The following CCBE1 variants were observed in gnomAD, a reference collection of about 807,000 sequenced individuals.
CCBE1 encodes collagen and calcium-binding EGF domain-containing protein 1.
In CCBE1, 37 loss-of-function variants were observed where a neutral mutation model predicts 50.0. The ratio of observed to expected loss-of-function variants is 0.74; its 90% CI spans 0.57 to 0.97. The LOEUF (loss-of-function observed/expected upper bound fraction) is 0.97. Ranked by LOEUF, CCBE1 falls within the 50% of genes least tolerant of loss-of-function variation. The pLI, the probability that CCBE1 is intolerant of heterozygous loss-of-function variation, is 0.00. For missense variants in CCBE1, 538 were observed against 523.8 expected (o/e 1.03, Z -0.26); for synonymous variants, 234 against 203.7 (o/e 1.15, Z -1.27).
At chr18:59,638,154 T>C (rs979861861) in intron 2 of CCBE1, among the ~76,000 whole-genome samples, 1 of 152,214 alleles carries the variant, frequency 6.6e-6, no homozygotes, top group Non-Finnish European at 1.5e-5. Context: ...GCAGAGTTTG[T>C]TTAAAATCAT....
At chr18:59,671,810 G>A (rs1348000068) in intron 2 of CCBE1, among the ~76,000 whole-genome samples, 1 of 121,412 alleles carries the variant, frequency 8.2e-6, no homozygotes, top group African/African-American at 3.3e-5. Flanking sequence ...TGGTGGGAAG[G>A]TTAAAAAAAA....
intron 9 of CCBE1, among the ~76,000 whole-genome samples, chr18:59,438,697 G>C (rs912593579): frequency 4.7e-4 from 72 of 152,150 alleles, no homozygotes; most frequent in African/African-American, 1.7e-3. Context: ...CTTTGGGGTT[G>C]GTTTTGGAAT....
intron 2 of CCBE1, among the ~76,000 whole-genome samples, chr18:59,677,124 T>C (rs977272066): frequency 2.6e-5 from 4 of 152,084 alleles, no homozygotes; most frequent in Admixed American, 6.6e-5. Flanking sequence ...TGGGAATAGA[T>C]TGCAAGAAGT....
rs184202208 is a variant in CCBE1 at position 59,581,538 on chromosome 18, C to A, written c.213-101300G>T. ...GACCCTAGTTTGGAAATACCCAGAT[C>A]CACTGGGTAATAAAGCACATTCTCA... On this transcript the variant is annotated intron_variant, in intron 2 of 10. Coordinates refer to ENST00000439986, the MANE Select transcript of CCBE1 (RefSeq NM_133459.4). Among the ~76,000 whole-genome samples, 15 of 152,114 alleles carry A rather than the reference C, an allele frequency of 9.9e-5. No homozygotes were observed. In the East Asian group the frequency reaches 2.9e-3, roughly 29 times the overall value.
chr18:59,463,375 G>A (rs774783067), intron 5 of CCBE1, among the ~76,000 whole-genome samples: 10 of 152,246 alleles, frequency 6.6e-5, no homozygotes, highest in Middle Eastern at 3.4e-3. Context: ...CTCCAGGCAC[G>A]TGCCACCACA....
rs556326541 is a variant in CCBE1 at position 59,466,088 on chromosome 18, C to T, written c.553+651G>A. On this transcript the variant is annotated intron_variant, in intron 5 of 10. Transcript: ENST00000439986. Reference sequence around the variant, plus strand: ...GTCCTCTGAGGTACCTGATTGTGCTCTTAATATATAAAAATATATGTTATA... The same window carrying T: ...GTCCTCTGAGGTACCTGATTGTGCTTTTAATATATAAAAATATATGTTATA... 8.4e-4 allele frequency among the ~76,000 whole-genome samples: 128 copies of T among 152,046 alleles called. 4 individuals are homozygous for T. In the South Asian group the frequency reaches 0.026, roughly 31 times the overall value.
chr18:59,638,643 C>T (rs895184933), intron 2 of CCBE1, among the ~76,000 whole-genome samples: 6 of 152,166 alleles, frequency 3.9e-5, no homozygotes, highest in African/African-American at 1.4e-4. Context: ...ACAAACTCAC[C>T]TGTTGATATA....
intron 2 of CCBE1, among the ~76,000 whole-genome samples, chr18:59,655,037 A>C (rs2054170775): frequency 6.7e-6 from 1 of 149,902 alleles, no homozygotes; most frequent in African/African-American, 2.5e-5. Context: ...CAGTGAACCA[A>C]GATCGCACCA....
chr18:59,570,309 C>G (rs1053999177), intron 2 of CCBE1, among the ~76,000 whole-genome samples: 4 of 152,144 alleles, frequency 2.6e-5, no homozygotes, highest in Non-Finnish European at 5.9e-5. Context: ...TGAACCCACA[C>G]AAAAGAGACA....
At chr18:59,447,246 C>T (rs1037692700) in intron 7 of CCBE1, among the ~76,000 whole-genome samples, 2 of 152,006 alleles carry the variant, frequency 1.3e-5, no homozygotes, top group African/African-American at 2.4e-5. Flanking sequence ...TATAAAGATT[C>T]TAGTCATATG....
At chr18:59,608,370 T>C (rs1396583703) in intron 2 of CCBE1, among the ~76,000 whole-genome samples, 1 of 152,184 alleles carries the variant, frequency 6.6e-6, no homozygotes, top group African/African-American at 2.4e-5. Context: ...TTCCTAATCA[T>C]GTCAGAGATT....
chr18:59,697,430 C>T (rs1599148344), upstream of CCBE1: 5 of 1,491,408 alleles, frequency 3.4e-6, no homozygotes, highest in East Asian at 5.0e-5. Context: ...CTTCCCTCTT[C>T]CCGGCAGGGG....
At chr18:59,682,266 G>T (rs749377036) in intron 2 of CCBE1, among the ~76,000 whole-genome samples, 7 of 152,184 alleles carry the variant, frequency 4.6e-5, no homozygotes, top group Non-Finnish European at 1.0e-4. Flanking sequence ...GGAGGCTGAG[G>T]CAGGAGAATT....
At chr18:59,467,416 G>A (rs947389104) in intron 4 of CCBE1, among the ~76,000 whole-genome samples, 1 of 152,138 alleles carries the variant, frequency 6.6e-6, no homozygotes, top group Non-Finnish European at 1.5e-5. Context: ...AAGCCATGAT[G>A]GCACCTGGGA....
chr18:59,543,904 C>G (rs1475853062), intron 2 of CCBE1, among the ~76,000 whole-genome samples: 1 of 150,808 alleles, frequency 6.6e-6, no homozygotes, highest in East Asian at 1.9e-4. Context: ...GAGGGACACT[C>G]GCAGTTCTGG....
At chr18:59,649,309 G>A (rs1274711480) in intron 2 of CCBE1, among the ~76,000 whole-genome samples, 1 of 152,206 alleles carries the variant, frequency 6.6e-6, no homozygotes, top group Admixed American at 6.5e-5. Flanking sequence ...TGTGAGCACA[G>A]CAAATACACT....
intron 3 of CCBE1, among the ~76,000 whole-genome samples, chr18:59,473,372 C>T (rs752174192): frequency 1.1e-4 from 17 of 152,100 alleles, no homozygotes; most frequent in Non-Finnish European, 1.9e-4. Context: ...GTATGAATCA[C>T]ATCTTTTTTC....
chr18:59,435,132 G>C lies in CCBE1; in HGVS notation c.*776C>G, dbSNP rs935765549. 1 of 152,158 alleles carries C rather than the reference G, an allele frequency of 6.6e-6. No homozygotes were observed. Among genetic ancestry groups the C allele is most frequent in the African/African-American group, 2.4e-5 (1 of 41,420 alleles). 9.4% of individuals were successfully genotyped at this position (152,158 alleles called of 1,614,324 possible). A position where few individuals can be genotyped will look rare whatever the true frequency, so the allele number is the denominator to read the frequency against. ...GCCCATTGTTTTAATGTGAATCCAGGCATTTCACTTTGTTTTTTTGAAAAG... is the reference window on the plus strand; with the variant it reads ...GCCCATTGTTTTAATGTGAATCCAGCCATTTCACTTTGTTTTTTTGAAAAG... On this transcript the variant is annotated 3_prime_UTR_variant, in exon 11 of 11. Transcript: ENST00000439986.
intron 2 of CCBE1, among the ~76,000 whole-genome samples, chr18:59,482,571 T>C (rs1055742784): frequency 5.3e-5 from 8 of 152,206 alleles, no homozygotes; most frequent in Non-Finnish European, 1.0e-4. Flanking sequence ...ATAACATACA[T>C]TGTCTTACAA....
Sources: allele counts gnomAD v4.1 joint callset (sites outside exome capture counted in the v4.1 genomes callset), GRCh38; gene constraint gnomAD v4.1.1; transcripts MANE v1.5; gene names NCBI Gene and HGNC (gene_info 2026-07-23, HGNC 2026-07-21).